Variants in ELP2 observed in about 807,000 individuals in gnomAD.
ELP2 encodes elongator complex protein 2.
Under a neutral mutation model 119.2 loss-of-function variants are expected in ELP2, and 90 were observed. That is an observed-to-expected ratio of 0.75 (90% CI 0.64 to 0.90). The LOEUF (loss-of-function observed/expected upper bound fraction) is 0.90, where lower values mean the gene tolerates loss of function less well. Among genes scored for constraint, ELP2 ranks in the 40% least tolerant of loss-of-function variants. ELP2 has a pLI of 0.00. For synonymous variants in ELP2, 339 were observed against 331.0 expected (o/e 1.02, Z -0.26); for missense variants, 921 against 967.8 (o/e 0.95, Z 0.64).
intron 5 of ELP2, 61 bp from the exon 6 acceptor site, chr18:36,141,076 G>A: frequency 7.4e-7 from 1 of 1,350,306 alleles, no homozygotes; most frequent in South Asian, 1.2e-5. Context: ...CAGTACAGTT[G>A]ATAAATCATA....
At chr18:36,158,492 A>G (rs939896961) in intron 13 of ELP2, 9 of 227,416 alleles carry the variant, frequency 4.0e-5, no homozygotes, top group Non-Finnish European at 8.0e-5. Context: ...TGGGCCTTCC[A>G]TTTTCAGCTC....
chr18:36,170,259 A>G (rs12953927), intron 20 of ELP2, 63 bp downstream of exon 20: 51,849 of 1,588,554 alleles, frequency 0.033, 1,052 homozygotes, highest in Non-Finnish European at 0.038. Flanking sequence ...TGTAGCCCTC[A>G]TGTCATTTCA....
chr18:36,162,847 A>T (rs1417198412), intron 17 of ELP2, among the ~76,000 whole-genome samples: 6 of 152,234 alleles, frequency 3.9e-5, no homozygotes, highest in Non-Finnish European at 2.9e-5. Context: ...ATATGAAAAT[A>T]TGGTGAAACT....
chr18:36,156,472 T>C lies in ELP2; in HGVS notation c.1282T>C (p.Trp428Arg). 6.2e-7 allele frequency: 1 copy of C among 1,614,132 alleles called. No individual in the cohort carries two copies. The highest frequency in any genetic ancestry group is 8.5e-7 in the Non-Finnish European group (1 of 1,179,980). ...WKRKDQSQVT[W>R]HEIARPQIHG... The stretch of plus-strand genomic sequence containing the variant: ...TTTATCCCGTTTTACCCAGGTGACT[T>C]GGCATGAAATTGCAAGGCCTCAGAT... Residue 428 changes from tryptophan to arginine, a missense_variant, in exon 13 of 22, where the codon TGG becomes CGG. Coordinates refer to ENST00000358232, the MANE Select transcript of ELP2 (RefSeq NM_018255.4).
chr18:36,170,063 G>A lies in ELP2; in HGVS notation c.2077G>A (p.Val693Met). 6.2e-7 allele frequency: 1 copy of A among 1,614,158 alleles called. No homozygotes were observed. The highest frequency in any genetic ancestry group is 8.5e-7 in the Non-Finnish European group (1 of 1,180,032). The change falls in exon 20 of 22, where the codon GTG becomes ATG. Residue 693 changes from valine (V) to methionine (M), a missense_variant and splice_region_variant. Coordinates refer to ENST00000358232, the MANE Select transcript of ELP2 (RefSeq NM_018255.4). ...YFFTGSRDKK[V>M]VVWGECDSTD... is the part of the protein sequence containing the mutation. The stretch of plus-strand genomic sequence containing the variant: ...ACAGTGTGTGATCTGTCTGTATTAG[G>A]TGGTTGTCTGGGGTGAGTGCGACTC...
chr18:36,165,755 G>A (rs1301964598), intron 18 of ELP2, among the ~76,000 whole-genome samples: 4 of 152,108 alleles, frequency 2.6e-5, no homozygotes, highest in Non-Finnish European at 4.4e-5. Context: ...GGTGGTGCAC[G>A]CCTGTAATCC....
intron 1 of ELP2, among the ~76,000 whole-genome samples, chr18:36,132,537 G>A (rs1182115302): frequency 1.3e-5 from 2 of 152,220 alleles, no homozygotes; most frequent in Admixed American, 1.3e-4. Flanking sequence ...AGAGAAAGGG[G>A]CTGTAAAGAG....
Position 36,156,515 on chromosome 18 carries a change from A to C in ELP2, c.1325A>C (p.Lys442Thr), listed in dbSNP as rs1263444329. 6.2e-7 allele frequency: 1 copy of C among 1,614,098 alleles called. No individual in the cohort carries two copies. The highest frequency in any genetic ancestry group is 1.7e-5 in the Admixed American group (1 of 60,030). Residue 442 changes from lysine to threonine, a missense_variant, in exon 13 of 22, where the codon AAA becomes ACA. Physicochemically the swap from Lys to Thr is moderately conservative, Grantham distance 78 (BLOSUM62 -1). Transcript: ENST00000358232. ...ARPQIHGYDL[K>T]CLAMINRFQF... ...CCTCAGATACATGGGTATGACCTGAAATGTTTGGCAATGATTAATCGGTTT... is the reference window on the plus strand; with the variant it reads ...CCTCAGATACATGGGTATGACCTGACATGTTTGGCAATGATTAATCGGTTT...
rs1364047166 is a variant in ELP2 at position 36,169,799 on chromosome 18, T to C, written c.2077-264T>C. 2.4e-5 allele frequency: 12 copies of C among 494,306 alleles called. No homozygotes were observed. The East Asian group carries it at 4.7e-4, about 19-fold the overall frequency. 30.6% of individuals were successfully genotyped at this position (494,306 alleles called of 1,614,324 possible). A position where few individuals can be genotyped will look rare whatever the true frequency, so the allele number is the denominator to read the frequency against. ...CAATTTGTGAGTATAGAAGGCATGT[T>C]AGACACCTCTCTGTGGTCTCTGGGC... On this transcript the variant is annotated intron_variant, in intron 19 of 21. Transcript: ENST00000358232.
At chr18:36,136,784 CTG>C (rs1439947321) in intron 3 of ELP2, among the ~76,000 whole-genome samples, 2 of 152,264 alleles carry the variant, frequency 1.3e-5, no homozygotes. Flanking sequence ...TTAACTGTCT[CTG>C]TGAATTTCCT....
chr18:36,171,596 C>T (rs2091083643), intron 21 of ELP2, among the ~76,000 whole-genome samples: 1 of 152,184 alleles, frequency 6.6e-6, no homozygotes, highest in East Asian at 1.9e-4. Context: ...AGGCTCATGC[C>T]CTGGGCCTCA....
Position 36,159,807 on chromosome 18 carries a change from C to A in ELP2, c.1607C>A (p.Ala536Asp). 1.2e-6 allele frequency: 2 copies of A among 1,613,868 alleles called. No individual in the cohort carries two copies. Among genetic ancestry groups the A allele is most frequent in the Non-Finnish European group, 1.7e-6 (2 of 1,179,836 alleles). Reference sequence around the variant, plus strand: ...ACTGGTTTTGAGTATCAGCAGGTGGCCTTTCAGCCCTCCATACTTACTGGT... The same window carrying A: ...ACTGGTTTTGAGTATCAGCAGGTGGACTTTCAGCCCTCCATACTTACTGGT... ...TSTGFEYQQV[A>D]FQPSILTEPP... Residue 536 changes from alanine (A) to aspartate (D), a missense_variant, in exon 15 of 22, where the codon GCC (alanine) becomes GAC (aspartate). Transcript: ENST00000358232.
intron 12 of ELP2, 69 bp from the exon 13 acceptor site, chr18:36,156,397 C>T (rs1041240542): frequency 1.4e-6 from 2 of 1,418,610 alleles, no homozygotes; most frequent in Non-Finnish European, 2.0e-6. Flanking sequence ...AAATAATTTT[C>T]ATCTAATAAT....
At chr18:36,140,246 G>A (rs944317813) in intron 5 of ELP2, among the ~76,000 whole-genome samples, 1 of 151,640 alleles carries the variant, frequency 6.6e-6, no homozygotes, top group African/African-American at 2.4e-5. Flanking sequence ...GCTCACCTCA[G>A]CCTCCTGAGT....
intron 19 of ELP2, among the ~76,000 whole-genome samples, chr18:36,169,356 G>C (rs1171442231): frequency 6.6e-6 from 1 of 150,998 alleles, no homozygotes; most frequent in Non-Finnish European, 1.5e-5. Flanking sequence ...GCAATGGACA[G>C]TGTAGAGGAA....
At chr18:36,158,783 A>G (rs370473144) in intron 13 of ELP2, 52 bp from the exon 14 acceptor site, 46 of 1,283,396 alleles carry the variant, frequency 3.6e-5, no homozygotes, top group Middle Eastern at 2.1e-4. Context: ...TTTTAAAATT[A>G]GCAAATAAAA....
chr18:36,145,698 A>G (rs1175248012), intron 9 of ELP2, among the ~76,000 whole-genome samples: 3 of 152,230 alleles, frequency 2.0e-5, no homozygotes, highest in Admixed American at 6.5e-5. Context: ...TTGGAGCTGT[A>G]TCCACATTGA....
Position 36,138,865 on chromosome 18 carries a change from T to C in ELP2, c.516T>C (p.Asn172=). 6.2e-7 allele frequency: 1 copy of C among 1,613,338 alleles called. No homozygotes were observed. The highest frequency in any genetic ancestry group is 1.1e-5 in the South Asian group (1 of 91,068). ...ALALCLSFLP[N]TDVPILACGN... Reference sequence around the variant, plus strand: ...CTCTCTGCTTATCTTTTTTGCCAAATACTGATGGTGAGTATCCTGTTAAGT... The same window carrying C: ...CTCTCTGCTTATCTTTTTTGCCAAACACTGATGGTGAGTATCCTGTTAAGT... The change falls in exon 5 of 22, where the codon AAT becomes AAC. Residue 172 remains asparagine, a synonymous_variant. Transcript: ENST00000358232.
At position 36,156,577 on chromosome 18, in the gene ELP2, G is replaced by A. The variant is rs202032032; in HGVS notation, c.1387G>A (p.Val463Ile). The A allele has an allele frequency of 2.3e-5, 37 of 1,614,034 alleles. No individual in the cohort carries two copies. In the East Asian group the frequency reaches 4.7e-4, roughly 20 times the overall value. Residue 463 changes from valine to isoleucine, a missense_variant, in exon 13 of 22, where the codon GTT (valine) becomes ATT (isoleucine). Transcript: ENST00000358232. The stretch of plus-strand genomic sequence containing the variant: ...TGGAGCAGATGAAAAAGTTCTTCGG[G>A]TTTTTTCTGCACCTCGGAATTTTGT... ...VSGADEKVLR[V>I]FSAPRNFVEN... is the part of the protein sequence containing the mutation.
Sources: allele counts gnomAD v4.1 joint callset (sites outside exome capture counted in the v4.1 genomes callset), GRCh38; gene constraint gnomAD v4.1.1; transcripts MANE v1.5; gene names NCBI Gene and HGNC (gene_info 2026-07-23, HGNC 2026-07-21).